Variants in ZNF766 observed in about 807,000 individuals in gnomAD.
ZNF766 encodes zinc finger protein 766.
Under a neutral mutation model 13.2 loss-of-function variants are expected in ZNF766, and 13 were observed. The ratio of observed to expected loss-of-function variants is 0.98; its 90% confidence interval spans 0.64 to 1.56. The LOEUF is 1.56. ZNF766 is among the 40% of genes most tolerant of loss of function. The probability of loss-of-function intolerance (pLI) is 0.00; values close to 1 mark genes in which losing one functional copy is unlikely to be tolerated. For synonymous variants in ZNF766, 178 were observed against 187.6 expected (o/e 0.95, Z 0.42); for missense variants, 521 against 552.2 (o/e 0.94, Z 0.57).
At position 52,295,699 on chromosome 19, in the gene ZNF766, A is replaced by G. The variant is rs1388037514; in HGVS notation, c.*4501A>G. Reference sequence around the variant, plus strand: ...TAACGTGAAGTGATTCCAACCCTTTATCTTTATTTTATTTATTTATTTTAT... The same window carrying G: ...TAACGTGAAGTGATTCCAACCCTTTGTCTTTATTTTATTTATTTATTTTAT... On this transcript the variant is annotated 3_prime_UTR_variant, in exon 4 of 4. Coordinates refer to ENST00000439461, the MANE Select transcript of ZNF766 (RefSeq NM_001010851.3). 1 of 152,040 alleles carries G rather than the reference A, an allele frequency of 6.6e-6. No homozygotes were observed. Among genetic ancestry groups the G allele is most frequent in the African/African-American group, 2.4e-5 (1 of 41,444 alleles). 9.4% of individuals were successfully genotyped at this position (152,040 alleles called of 1,614,324 possible). A position where few individuals can be genotyped will look rare whatever the true frequency, so the allele number is the denominator to read the frequency against.
At chr19:52,271,356 T>C (rs893779653) in intron 1 of ZNF766, among the ~76,000 whole-genome samples, 12 of 152,182 alleles carry the variant, frequency 7.9e-5, no homozygotes, top group Non-Finnish European at 1.6e-4. Context: ...GTCATCCAGC[T>C]GGGAGTGTGC....
In ZNF766 at chr19:52,294,921, T is replaced by C. The variant is rs1012756783; in HGVS notation, c.*3723T>C. ...TTATAGTAGACAATGAAAATTAGTG[T>C]GTGGGTTTATAATAAATATAATGTA... On this transcript the variant is annotated 3_prime_UTR_variant, in exon 4 of 4. Transcript: ENST00000439461. 3 of 151,462 alleles carry C rather than the reference T, an allele frequency of 2.0e-5. No individual in the cohort carries two copies. The highest frequency in any genetic ancestry group is 7.3e-5 in the African/African-American group (3 of 41,328). 9.4% of individuals were successfully genotyped at this position (151,462 alleles called of 1,614,324 possible).
intron 3 of ZNF766, among the ~76,000 whole-genome samples, chr19:52,286,368 C>A (rs1981830750): frequency 7.3e-6 from 1 of 136,934 alleles, no homozygotes; most frequent in African/African-American, 2.8e-5. Flanking sequence ...CTGTCCTGAT[C>A]TTGACCTTGG....
rs531983445 is a variant in ZNF766, at chr19:52,290,449, T to C, written c.658T>C (p.Cys220Arg). Reference protein sequence around the residue: ...TADKPNRCHECGKTVRDKSGL... With the variant: ...TADKPNRCHERGKTVRDKSGL... Reference sequence around the variant, plus strand: ...AGATAAACCTAACAGATGTCATGAATGTGGTAAAACCGTCAGGGACAAGTC... The same window carrying C: ...AGATAAACCTAACAGATGTCATGAACGTGGTAAAACCGTCAGGGACAAGTC... Residue 220 changes from cysteine (C) to arginine (R), a missense_variant, in exon 4 of 4, where the codon TGT (cysteine) becomes CGT (arginine). Cys to Arg is a radical substitution (Grantham distance 180, BLOSUM62 -3). Transcript: ENST00000439461. The C allele has an allele frequency of 2.5e-6, 4 of 1,613,956 alleles. No homozygotes were observed. The South Asian group carries it at 3.3e-5, about 13-fold the overall frequency.
intron 1 of ZNF766, chr19:52,277,491 G>A: frequency 6.4e-7 from 1 of 1,571,924 alleles, no homozygotes; most frequent in Non-Finnish European, 8.6e-7. Flanking sequence ...GTTATGTGAA[G>A]GAGAAGCCCA....
At chr19:52,286,472 C>T (rs1057231656) in intron 3 of ZNF766, among the ~76,000 whole-genome samples, 17 of 151,898 alleles carry the variant, frequency 1.1e-4, no homozygotes, top group Middle Eastern at 3.2e-3. Context: ...GGTGGAGTTT[C>T]GCTGTGTTAG....
Position 52,293,978 on chromosome 19 carries a change from A to C in ZNF766, c.*2780A>C, listed in dbSNP as rs1306009348. The C allele has an allele frequency of 6.6e-6, 1 of 152,144 alleles. No individual in the cohort carries two copies. Among genetic ancestry groups the C allele is most frequent in the African/African-American group, 2.4e-5 (1 of 41,422 alleles). The allele number at this position is 152,144 out of a possible 1,614,324, so 9.4% of individuals were successfully genotyped here. Reference sequence around the variant, plus strand: ...TTGTGGGTAAAGTGAAAATCACATAACAGTGCAGCTTCATCATCATATGCC... The same window carrying C: ...TTGTGGGTAAAGTGAAAATCACATACCAGTGCAGCTTCATCATCATATGCC... On this transcript the variant is annotated 3_prime_UTR_variant, in exon 4 of 4. Transcript: ENST00000439461.
chr19:52,294,582 TGTG>T lies in ZNF766; in HGVS notation c.*3387_*3389del. ...TAGGGCTTGGGCAGGGGTGCCCACTTGTGGTTTGAACTTTCAGCTGGTGCCAAA... is the reference window on the plus strand; with the variant it reads ...TAGGGCTTGGGCAGGGGTGCCCACTTGTTTGAACTTTCAGCTGGTGCCAAA... On this transcript the variant is annotated 3_prime_UTR_variant, in exon 4 of 4. Transcript: ENST00000439461. The T allele has an allele frequency of 6.6e-6, 1 of 152,148 alleles. No individual in the cohort carries two copies. Among genetic ancestry groups the T allele is most frequent in the East Asian group, 1.9e-4 (1 of 5,192 alleles). The allele number at this position is 152,148 out of a possible 1,614,324, so 9.4% of individuals were successfully genotyped here.
At chr19:52,278,341 A>G (rs1981318025) in intron 1 of ZNF766, among the ~76,000 whole-genome samples, 1 of 151,804 alleles carries the variant, frequency 6.6e-6, no homozygotes, top group Non-Finnish European at 1.5e-5. Flanking sequence ...TTTTTTCCAT[A>G]TGCTTGTTGG....
At chr19:52,281,487 C>G in intron 1 of ZNF766, 1 of 278,048 alleles carries the variant, frequency 3.6e-6, no homozygotes, top group Non-Finnish European at 7.0e-6. Context: ...CCACTGCACT[C>G]CAGCCTGGGT....
At chr19:52,282,364 G>A (rs1203331176) in intron 2 of ZNF766, 127 bp downstream of exon 2, 5 of 1,184,710 alleles carry the variant, frequency 4.2e-6, no homozygotes, top group East Asian at 3.1e-5. Flanking sequence ...GGCTGGGCAC[G>A]GTGGCTCATG....
At chr19:52,285,785 A>G (rs991598060) in intron 3 of ZNF766, among the ~76,000 whole-genome samples, 7 of 152,228 alleles carry the variant, frequency 4.6e-5, no homozygotes, top group Non-Finnish European at 7.3e-5. Context: ...GGAAAGTTAG[A>G]GTCCTGCCTT....
intron 1 of ZNF766, 100 bp downstream of exon 1, chr19:52,269,731 C>G: frequency 1.4e-6 from 2 of 1,429,734 alleles, no homozygotes; most frequent in East Asian, 4.8e-5. Context: ...AATCCCCGCA[C>G]CGCTCTCTCC....
chr19:52,279,496 A>G (rs1981377446), intron 1 of ZNF766, among the ~76,000 whole-genome samples: 1 of 152,076 alleles, frequency 6.6e-6, no homozygotes, highest in Non-Finnish European at 1.5e-5. Flanking sequence ...ATCCGTGAGC[A>G]TGGGATGTTT....
chr19:52,274,497 T>C (rs996406061), intron 1 of ZNF766: 1 of 152,354 alleles, frequency 6.6e-6, no homozygotes, highest in African/African-American at 2.4e-5. Flanking sequence ...GAGGATGACA[T>C]TGAGAATCTC....
intron 1 of ZNF766, among the ~76,000 whole-genome samples, chr19:52,270,990 GCCTGACGGGTCGTGAACT>G (rs1980949661): frequency 6.6e-6 from 1 of 152,122 alleles, no homozygotes; most frequent in African/African-American, 2.4e-5. Flanking sequence ...CACCGTGTTG[GCCTGACGGGTCGTGAACT>G]CCTGAGACCT....
At chr19:52,279,195 C>T (rs1191144858) in intron 1 of ZNF766, among the ~76,000 whole-genome samples, 1 of 152,046 alleles carries the variant, frequency 6.6e-6, no homozygotes, top group East Asian at 1.9e-4. Flanking sequence ...GATGCACGGC[C>T]TTATTTCTGG....
chr19:52,280,241 C>T (rs1363029968), intron 1 of ZNF766, among the ~76,000 whole-genome samples: 2 of 152,010 alleles, frequency 1.3e-5, no homozygotes, highest in Non-Finnish European at 2.9e-5. Flanking sequence ...GCACCGTTAG[C>T]CCCAGTTTCT....
In ZNF766 at chr19:52,291,730, C is replaced by A; in HGVS notation, c.*532C>A. 6.2e-6 allele frequency: 1 copy of A among 162,246 alleles called. No homozygotes were observed. The highest frequency in any genetic ancestry group is 1.3e-5 in the Non-Finnish European group (1 of 75,032). The allele number at this position is 162,246 out of a possible 1,614,324, so 10.1% of individuals were successfully genotyped here. A position where few individuals can be genotyped will look rare whatever the true frequency, so the allele number is the denominator to read the frequency against. ...TGAGCTGAGATCGCGCCACTGCACTCCAACCTGGGTGACAGAGCGAGACTC... is the reference window on the plus strand; with the variant it reads ...TGAGCTGAGATCGCGCCACTGCACTACAACCTGGGTGACAGAGCGAGACTC... On this transcript the variant is annotated 3_prime_UTR_variant, in exon 4 of 4. Transcript: ENST00000439461.
Sources: allele counts gnomAD v4.1 joint callset (sites outside exome capture counted in the v4.1 genomes callset), GRCh38; gene constraint gnomAD v4.1.1; transcripts MANE v1.5; gene names NCBI Gene and HGNC (gene_info 2026-07-23, HGNC 2026-07-21).